Variants in PAN3 observed in about 807,000 individuals in gnomAD.
The protein encoded by PAN3 is PAN2-PAN3 deadenylation complex subunit PAN3.
In PAN3, 19 loss-of-function variants were observed where a neutral mutation model predicts 96.2. The observed-to-expected ratio is 0.20, with a 90% CI of 0.14 to 0.29. The LOEUF is 0.29. PAN3 is among the 10% of genes least tolerant of loss of function. The pLI, the probability that PAN3 is intolerant of heterozygous loss-of-function variation, is 1.00. For synonymous variants in PAN3, 433 were observed against 406.6 expected, an observed-to-expected ratio of 1.06 and a Z score of -0.78; for missense variants, 882 against 1,108.1, an observed-to-expected ratio of 0.80 and a Z score of 2.90.
chr13:28,204,895 T>C (rs1879167599), intron 5 of PAN3, among the ~76,000 whole-genome samples: 1 of 152,230 alleles, frequency 6.6e-6, no homozygotes, highest in Non-Finnish European at 1.5e-5. Flanking sequence ...AAATAAGAAC[T>C]GTTGGACTGT....
chr13:28,148,548 A>G (rs923499705), intron 1 of PAN3, among the ~76,000 whole-genome samples: 8 of 152,232 alleles, frequency 5.3e-5, no homozygotes, highest in African/African-American at 1.9e-4. Context: ...TTAAAAATTT[A>G]AATAGTGCAA....
At chr13:28,260,235 A>G (rs1227785311) in intron 7 of PAN3, among the ~76,000 whole-genome samples, 1 of 151,974 alleles carries the variant, frequency 6.6e-6, no homozygotes, top group Non-Finnish European at 1.5e-5. Context: ...TGTCTCTACA[A>G]AAATACAAAA....
At chr13:28,195,228 C>A (rs922019373) in intron 4 of PAN3, among the ~76,000 whole-genome samples, 1 of 151,956 alleles carries the variant, frequency 6.6e-6, no homozygotes, top group African/African-American at 2.4e-5. Flanking sequence ...CATAATGAAA[C>A]CCCATCTCTA....
chr13:28,183,900 G>A (rs7982828), intron 4 of PAN3, among the ~76,000 whole-genome samples: 44,308 of 152,110 alleles, frequency 0.29, 9,216 homozygotes, highest in African/African-American at 0.59. Context: ...GTAGTAGGTA[G>A]TAAGTGGTGT....
intron 8 of PAN3, 89 bp from the exon 9 acceptor site, chr13:28,261,312 A>G: frequency 1.1e-6 from 1 of 893,076 alleles, no homozygotes; most frequent in South Asian, 1.9e-5. Context: ...TATGCCAAAA[A>G]TATTAATACT....
At chr13:28,266,913 C>A (rs565352885) in intron 10 of PAN3, 37 bp downstream of exon 10, 5 of 1,486,758 alleles carry the variant, frequency 3.4e-6, no homozygotes, top group Non-Finnish European at 4.5e-6. Context: ...ATAATCGTAT[C>A]ATTGAGGCTA....
intron 7 of PAN3, 140 bp downstream of exon 7, chr13:28,256,679 G>A (rs1885170412): frequency 1.1e-6 from 1 of 912,238 alleles, no homozygotes; most frequent in African/African-American, 1.7e-5. Context: ...GAGAAGTCTA[G>A]TCTCTTCTTC....
intron 2 of PAN3, among the ~76,000 whole-genome samples, chr13:28,176,190 T>C (rs1338624547): frequency 2.0e-5 from 3 of 152,224 alleles, no homozygotes; most frequent in Non-Finnish European, 4.4e-5. Flanking sequence ...TTGGAATTTA[T>C]GTTTTACAGA....
At chr13:28,253,678 G>A (rs1407417619) in intron 6 of PAN3, among the ~76,000 whole-genome samples, 3 of 148,096 alleles carry the variant, frequency 2.0e-5, no homozygotes, top group Non-Finnish European at 4.4e-5. Context: ...TGGGCGCTTT[G>A]TGGCTCATGC....
intron 15 of PAN3, among the ~76,000 whole-genome samples, chr13:28,280,038 G>A (rs538399534): frequency 7.2e-5 from 11 of 151,892 alleles, no homozygotes; most frequent in Non-Finnish European, 1.0e-4. Flanking sequence ...CACCTGCCTC[G>A]GCCTCCCAAA....
chr13:28,139,958 T>C (rs1487549869), intron 1 of PAN3, among the ~76,000 whole-genome samples: 2 of 151,468 alleles, frequency 1.3e-5, no homozygotes, highest in Non-Finnish European at 3.0e-5. Context: ...TTGTTGTTGT[T>C]GTTGTTTTGG....
chr13:28,245,790 G>A (rs954789324), intron 6 of PAN3, among the ~76,000 whole-genome samples: 1 of 152,036 alleles, frequency 6.6e-6, no homozygotes, highest in East Asian at 1.9e-4. Flanking sequence ...GCTTTTTTAT[G>A]TCTAGCCTCT....
At chr13:28,183,388 A>T (rs1169246726) in intron 4 of PAN3, among the ~76,000 whole-genome samples, 1 of 152,190 alleles carries the variant, frequency 6.6e-6, no homozygotes, top group Non-Finnish European at 1.5e-5. Flanking sequence ...GAGAATTCCA[A>T]ATTAATGCCC....
intron 15 of PAN3, 43 bp downstream of exon 15, chr13:28,277,419 C>A (rs775785208): frequency 9.0e-6 from 14 of 1,557,566 alleles, no homozygotes; most frequent in East Asian, 4.6e-5. Context: ...TGATTATTTG[C>A]GATAAGACAG....
chr13:28,193,152 T>G (rs1245616419), intron 4 of PAN3, among the ~76,000 whole-genome samples: 1 of 152,218 alleles, frequency 6.6e-6, no homozygotes, highest in Middle Eastern at 3.2e-3. Context: ...ACATTCAGAG[T>G]CATCCTGGGC....
At chr13:28,174,122 A>C in intron 1 of PAN3, 150 bp from the exon 2 acceptor site, 1 of 762,698 alleles carries the variant, frequency 1.3e-6, no homozygotes, top group East Asian at 2.9e-5. Flanking sequence ...AGCCAACCCA[A>C]TTTTATTTGA....
In PAN3 at chr13:28,170,187, A is replaced by G. The variant is rs759351621; in HGVS notation, c.431-4085A>G. ...TGCTAGGGAGCATAAGTCGTCTTCT[A>G]TCAAAGTTGTGTATCTGAAAGGAAT... On this transcript the variant is annotated intron_variant, in intron 1 of 18. Transcript: ENST00000380958. Among the ~76,000 whole-genome samples the G allele has an allele frequency of 2.6e-5, 4 of 152,196 alleles. No homozygotes were observed. The South Asian group carries it at 8.3e-4, about 31-fold the overall frequency.
At position 28,177,952 on chromosome 13, in the gene PAN3, C is replaced by T. The variant is rs769259795; in HGVS notation, c.690+17C>T. ...AGACGAAAGGTAGGTGAAATTGAAA[C>T]TTGAATTAAACTAAATGGAATTTAG... On this transcript the variant is annotated intron_variant, in intron 4 of 18. Coordinates refer to ENST00000380958, the MANE Select transcript of PAN3 (RefSeq NM_175854.8). 1.3e-6 allele frequency: 2 copies of T among 1,584,588 alleles called. No homozygotes were observed. Among genetic ancestry groups the T allele is most frequent in the Non-Finnish European group, 1.7e-6 (2 of 1,153,710 alleles).
chr13:28,166,643 C>T (rs527783753), intron 1 of PAN3, among the ~76,000 whole-genome samples: 1 of 152,350 alleles, frequency 6.6e-6, no homozygotes, highest in East Asian at 1.9e-4. Context: ...TTTGGCAGTT[C>T]TCTGTCTAGC....
Sources: allele counts gnomAD v4.1 joint callset (sites outside exome capture counted in the v4.1 genomes callset), GRCh38; gene constraint gnomAD v4.1.1; transcripts MANE v1.5; gene names NCBI Gene and HGNC (gene_info 2026-07-23, HGNC 2026-07-21).